CCSER1: variants seen among roughly 807,000 people sequenced by gnomAD.
CCSER1 encodes coiled-coil serine rich protein 1, also known as serine-rich coiled-coil domain-containing protein 1.
CCSER1 carries 41 observed loss-of-function variants against 82.0 expected under a neutral mutation model. That is an observed-to-expected ratio of 0.50 (90% confidence interval 0.39 to 0.65). The LOEUF (loss-of-function observed/expected upper bound fraction) is 0.65, where lower values mean the gene tolerates loss of function less well. Ranked by LOEUF, CCSER1 falls within the 30% of genes least tolerant of loss-of-function variation. The probability of loss-of-function intolerance (pLI) is 0.00; values close to 1 mark genes in which losing one functional copy is unlikely to be tolerated. For synonymous variants in CCSER1, 414 were observed against 383.9 expected (o/e 1.08, Z -0.92); for missense variants, 1,119 against 1,064.2 (o/e 1.05, Z -0.72).
At chr4:90,932,882 GA>G (rs1730034658) in intron 9 of CCSER1, among the ~76,000 whole-genome samples, 1 of 87,802 alleles carries the variant, frequency 1.1e-5, no homozygotes. Context: ...AGGAAGGAAG[GA>G]AAGAAAGAAG....
intron 5 of CCSER1, among the ~76,000 whole-genome samples, chr4:90,608,197 A>T (rs1411751741): frequency 6.6e-6 from 1 of 152,170 alleles, no homozygotes; most frequent in East Asian, 1.9e-4. Context: ...AGCAGGGATT[A>T]GTTGGGTCCT....
chr4:90,158,611 C>T (rs924135777), intron 1 of CCSER1, among the ~76,000 whole-genome samples: 6 of 152,194 alleles, frequency 3.9e-5, no homozygotes, highest in Non-Finnish European at 8.8e-5. Context: ...CTGGCTGCCG[C>T]CTTGCAGTTT....
chr4:90,544,846 C>T lies in CCSER1; in HGVS notation c.1724+76492C>T, dbSNP rs986185053. Among the ~76,000 whole-genome samples the T allele has an allele frequency of 3.9e-5, 6 of 151,926 alleles. No homozygotes were observed. In the East Asian group the frequency reaches 7.7e-4, roughly 20 times the overall value. Reference sequence around the variant, plus strand: ...GAAAAAGACAAGACATGAATTTGGGCGATGTTAAATTATTTATTACAATTC... The same window carrying T: ...GAAAAAGACAAGACATGAATTTGGGTGATGTTAAATTATTTATTACAATTC... On this transcript the variant is annotated intron_variant, in intron 5 of 10. Transcript: ENST00000509176.
chr4:91,057,304 T>A (rs1434030387), intron 9 of CCSER1, among the ~76,000 whole-genome samples: 1 of 152,176 alleles, frequency 6.6e-6, no homozygotes, highest in Non-Finnish European at 1.5e-5. Flanking sequence ...AAGGCTTCAG[T>A]ACACTCCAGA....
intron 1 of CCSER1, chr4:90,235,114 A>C (rs1745534670): frequency 6.6e-6 from 1 of 152,098 alleles, no homozygotes. Context: ...GCTGCTGCCA[A>C]ATATGTTGTT....
chr4:90,452,893 A>C (rs753084515), intron 4 of CCSER1, among the ~76,000 whole-genome samples: 3 of 152,184 alleles, frequency 2.0e-5, no homozygotes, highest in Non-Finnish European at 4.4e-5. Flanking sequence ...TGACAAGACT[A>C]GACCTAGGTA....
chr4:91,390,309 T>C (rs1751569825), intron 10 of CCSER1, among the ~76,000 whole-genome samples: 1 of 152,004 alleles, frequency 6.6e-6, no homozygotes, highest in African/African-American at 2.4e-5. Context: ...TCTATAATGA[T>C]GTGATTTTTC....
At chr4:91,513,513 T>A (rs1759939134) in intron 10 of CCSER1, among the ~76,000 whole-genome samples, 1 of 152,256 alleles carries the variant, frequency 6.6e-6, no homozygotes, top group East Asian at 1.9e-4. Context: ...TCATCAGTTT[T>A]TTTGAATAGT....
chr4:90,213,991 AT>A (rs1740537955), intron 1 of CCSER1, among the ~76,000 whole-genome samples: 1 of 152,136 alleles, frequency 6.6e-6, no homozygotes, highest in African/African-American at 2.4e-5. Flanking sequence ...GGATTAAGGA[AT>A]TTTTGTTTGT....
chr4:91,353,162 G>A lies in CCSER1; in HGVS notation c.2218-245410G>A, dbSNP rs549519053. Among the ~76,000 whole-genome samples, 127 of 152,282 alleles carry A rather than the reference G, an allele frequency of 8.3e-4. 1 individual carries two copies. In the South Asian group the frequency reaches 0.011, roughly 13 times the overall value. ...GACAAAACCTCTCAGACACTGAGTT[G>A]TAGAAGGAAGGGCTTTATTCAGCCA... On this transcript the variant is annotated intron_variant, in intron 10 of 10. Coordinates refer to ENST00000509176, the MANE Select transcript of CCSER1 (RefSeq NM_001145065.2).
chr4:90,408,918 T>C (rs867763527), intron 4 of CCSER1, among the ~76,000 whole-genome samples: 3 of 152,194 alleles, frequency 2.0e-5, no homozygotes, highest in Middle Eastern at 3.4e-3. Flanking sequence ...GAATAACCAA[T>C]GCAGAGAAGT....
At chr4:90,730,623 C>T (rs571651715) in intron 7 of CCSER1, among the ~76,000 whole-genome samples, 21 of 151,962 alleles carry the variant, frequency 1.4e-4, no homozygotes, top group African/African-American at 4.8e-4. Context: ...AAAAGTAAAG[C>T]GCAATATGAA....
chr4:91,116,049 C>T (rs1726563234), intron 10 of CCSER1, among the ~76,000 whole-genome samples: 1 of 151,786 alleles, frequency 6.6e-6, no homozygotes, highest in African/African-American at 2.4e-5. Flanking sequence ...TGTTCTCCTT[C>T]CTGTGTCCAA....
At chr4:91,315,289 A>G (rs539130707) in intron 10 of CCSER1, among the ~76,000 whole-genome samples, 2 of 152,018 alleles carry the variant, frequency 1.3e-5, no homozygotes, top group South Asian at 4.1e-4. Flanking sequence ...CCAGCCCCAT[A>G]CATTCAAATG....
intron 10 of CCSER1, among the ~76,000 whole-genome samples, chr4:91,556,667 G>A (rs969969504): frequency 6.6e-6 from 1 of 150,972 alleles, no homozygotes; most frequent in South Asian, 2.1e-4. Context: ...ATGATCTTAG[G>A]GTAGTTGTGG....
chr4:90,449,246 C>A (rs1217754039), intron 4 of CCSER1, among the ~76,000 whole-genome samples: 1 of 152,198 alleles, frequency 6.6e-6, no homozygotes, highest in Non-Finnish European at 1.5e-5. Flanking sequence ...GGCAGGCTGT[C>A]CCAACATTTC....
At chr4:90,130,121 A>G (rs1270022637) in intron 1 of CCSER1, among the ~76,000 whole-genome samples, 1 of 152,252 alleles carries the variant, frequency 6.6e-6, no homozygotes, top group African/African-American at 2.4e-5. Context: ...AGTAATAGTT[A>G]TTCAACCCTT....
rs561650970 is a variant in CCSER1 at position 91,554,546 on chromosome 4, A to G, written c.2218-44026A>G. On this transcript the variant is annotated intron_variant, in intron 10 of 10. Transcript: ENST00000509176. Reference sequence around the variant, plus strand: ...TGAAAAACATTGATAAACAAAATTTAAGAAGATGTAAATAAATGGAAAAAT... The same window carrying G: ...TGAAAAACATTGATAAACAAAATTTGAGAAGATGTAAATAAATGGAAAAAT... 2.0e-5 allele frequency among the ~76,000 whole-genome samples: 3 copies of G among 151,422 alleles called. No individual in the cohort carries two copies. In the East Asian group the frequency reaches 5.8e-4, roughly 29 times the overall value.
chr4:91,041,052 T>C (rs1220410693), intron 9 of CCSER1, among the ~76,000 whole-genome samples: 3 of 152,168 alleles, frequency 2.0e-5, no homozygotes, highest in Non-Finnish European at 4.4e-5. Flanking sequence ...TTAACTAAAT[T>C]GGAAATTCAC....
Sources: allele counts gnomAD v4.1 joint callset (sites outside exome capture counted in the v4.1 genomes callset), GRCh38; gene constraint gnomAD v4.1.1; transcripts MANE v1.5; gene names NCBI Gene and HGNC (gene_info 2026-07-23, HGNC 2026-07-21).